WWC1: variants seen among roughly 807,000 people sequenced by gnomAD.
WWC1 encodes protein KIBRA.
In WWC1, 55 loss-of-function variants were observed where a neutral mutation model predicts 138.4. The ratio of observed to expected loss-of-function variants is 0.40; its 90% CI spans 0.32 to 0.50. WWC1 has a LOEUF of 0.50. Among genes scored for constraint, WWC1 ranks in the 20% least tolerant of loss-of-function variants. The probability of loss-of-function intolerance (pLI) is 0.72; values close to 1 mark genes in which losing one functional copy is unlikely to be tolerated. For missense variants in WWC1, 1,226 were observed against 1,420.4 expected, an observed-to-expected ratio of 0.86 and a Z score of 2.20; for synonymous variants, 524 against 564.9, an observed-to-expected ratio of 0.93 and a Z score of 1.03.
chr5:168,413,522 G>A (rs1780375011), intron 8 of WWC1, among the ~76,000 whole-genome samples: 1 of 152,228 alleles, frequency 6.6e-6, no homozygotes, highest in Non-Finnish European at 1.5e-5. Context: ...GTTAAGGGAT[G>A]AGGCTGCCAG....
chr5:168,357,533 T>G (rs2152796843), intron 1 of WWC1, among the ~76,000 whole-genome samples: 1 of 151,122 alleles, frequency 6.6e-6, no homozygotes, highest in African/African-American at 2.4e-5. Context: ...TGCCAGGGTA[T>G]TGTGTTCCCT....
chr5:168,340,132 ATGG>A (rs1773925574), intron 1 of WWC1, among the ~76,000 whole-genome samples: 1 of 147,988 alleles, frequency 6.8e-6, no homozygotes, highest in Non-Finnish European at 1.5e-5. Flanking sequence ...CTGGAGTGCA[ATGG>A]TGGAATCTCA....
intron 3 of WWC1, among the ~76,000 whole-genome samples, chr5:168,396,242 G>A (rs1437220413): frequency 6.6e-6 from 1 of 152,152 alleles, no homozygotes; most frequent in Non-Finnish European, 1.5e-5. Context: ...AATTATCCGG[G>A]CATGGTGGAG....
intron 1 of WWC1, among the ~76,000 whole-genome samples, chr5:168,339,845 C>CT (rs1773844341): frequency 4.1e-5 from 6 of 146,776 alleles, no homozygotes; most frequent in African/African-American, 1.6e-4. Context: ...TCTTTTCTTT[C>CT]TTTCTTTCTC....
chr5:168,435,992 G>A (rs539452781), intron 15 of WWC1, among the ~76,000 whole-genome samples: 18 of 152,046 alleles, frequency 1.2e-4, no homozygotes, highest in Admixed American at 2.0e-4. Flanking sequence ...ATAGGCACGC[G>A]CCACCACACC....
At chr5:168,349,521 C>T (rs779141023) in intron 1 of WWC1, among the ~76,000 whole-genome samples, 12 of 152,192 alleles carry the variant, frequency 7.9e-5, no homozygotes, top group Non-Finnish European at 1.6e-4. Flanking sequence ...CAGCACAGCC[C>T]TGCAGGCTGG....
At chr5:168,367,365 T>G (rs1016019014) in intron 1 of WWC1, among the ~76,000 whole-genome samples, 2 of 152,010 alleles carry the variant, frequency 1.3e-5, no homozygotes, top group Non-Finnish European at 2.9e-5. Flanking sequence ...GGAGTCTTGC[T>G]CTGTCCCCCA....
chr5:168,305,950 GTT>G (rs369440987), intron 1 of WWC1, among the ~76,000 whole-genome samples: 19 of 152,310 alleles, frequency 1.2e-4, no homozygotes, highest in African/African-American at 4.6e-4. Context: ...CATTTGTAGA[GTT>G]TGAATGAGAT....
rs1286203310 is a variant in WWC1, at chr5:168,472,229, T to G, written c.*3212T>G. ...TGGAGTTGAATTCTCTATAAACGGT[T>G]CACCAGCAAACCACCAATACATTCC... On this transcript the variant is annotated 3_prime_UTR_variant, in exon 23 of 23. Coordinates refer to ENST00000265293, the MANE Select transcript of WWC1 (RefSeq NM_015238.3). The G allele has an allele frequency of 6.6e-6, 1 of 152,220 alleles. No individual in the cohort carries two copies. Among genetic ancestry groups the G allele is most frequent in the Non-Finnish European group, 1.5e-5 (1 of 68,048 alleles). 9.4% of individuals were successfully genotyped at this position (152,220 alleles called of 1,614,324 possible). A position where few individuals can be genotyped will look rare whatever the true frequency, so the allele number is the denominator to read the frequency against.
At chr5:168,343,376 T>C (rs1010174511) in intron 1 of WWC1, among the ~76,000 whole-genome samples, 7 of 152,118 alleles carry the variant, frequency 4.6e-5, no homozygotes, top group Non-Finnish European at 7.4e-5. Context: ...CCCCATTTAA[T>C]AGATGAAGAA....
At chr5:168,388,049 A>AAATCACTC (rs1778177519) in intron 3 of WWC1, among the ~76,000 whole-genome samples, 1 of 152,204 alleles carries the variant, frequency 6.6e-6, no homozygotes, top group Admixed American at 6.5e-5. Flanking sequence ...ATTACCCTAC[A>AAATCACTC]AATCACTCAC....
In WWC1 at chr5:168,464,804, A is replaced by C; in HGVS notation, c.2992A>C (p.Thr998Pro). The change falls in exon 21 of 23, where the codon ACA becomes CCA. Residue 998 changes from threonine to proline, a missense_variant. Physicochemically the swap from Thr to Pro is conservative, Grantham distance 38 (BLOSUM62 -1). Coordinates refer to ENST00000265293, the MANE Select transcript of WWC1 (RefSeq NM_015238.3). ...SLDLELDLQATRTWHSQLTQE... is the reference protein window; with the variant it reads ...SLDLELDLQAPRTWHSQLTQE... ...GGACCTGGAGTTAGACCTGCAGGCGACAAGAACCTGGCACAGCCAATTGAC... is the reference window on the plus strand; with the variant it reads ...GGACCTGGAGTTAGACCTGCAGGCGCCAAGAACCTGGCACAGCCAATTGAC... 6.2e-7 allele frequency: 1 copy of C among 1,614,102 alleles called. No individual in the cohort carries two copies. Among genetic ancestry groups the C allele is most frequent in the Non-Finnish European group, 8.5e-7 (1 of 1,180,002 alleles).
intron 1 of WWC1, among the ~76,000 whole-genome samples, chr5:168,367,360 C>A (rs923524862): frequency 1.3e-5 from 2 of 152,036 alleles, no homozygotes; most frequent in African/African-American, 4.8e-5. Flanking sequence ...GAGACGGAGT[C>A]TTGCTCTGTC....
At chr5:168,446,781 T>TA (rs1755313481) in intron 17 of WWC1, among the ~76,000 whole-genome samples, 1 of 152,172 alleles carries the variant, frequency 6.6e-6, no homozygotes, top group South Asian at 2.1e-4. Context: ...GCAAAGCACA[T>TA]AGTAGACCCT....
chr5:168,463,998 T>C (rs1757034860), intron 20 of WWC1, among the ~76,000 whole-genome samples: 1 of 152,190 alleles, frequency 6.6e-6, no homozygotes, highest in African/African-American at 2.4e-5. Flanking sequence ...TGAGTATTAA[T>C]GGCTGGGCTT....
Position 168,471,004 on chromosome 5 carries a change from G to C in WWC1, c.*1987G>C, listed in dbSNP as rs1757650943. ...GTATAAAGTGAGTGAAACCCAGGCA[G>C]AGACAGGCAAAATGGTGAGGCCCGC... is the stretch of plus-strand genomic sequence containing the variant. On this transcript the variant is annotated 3_prime_UTR_variant, in exon 23 of 23. Transcript: ENST00000265293. 1 of 152,172 alleles carries C rather than the reference G, an allele frequency of 6.6e-6. No individual in the cohort carries two copies. Among genetic ancestry groups the C allele is most frequent in the East Asian group, 1.9e-4 (1 of 5,182 alleles). 9.4% of individuals were successfully genotyped at this position (152,172 alleles called of 1,614,324 possible).
intron 5 of WWC1, among the ~76,000 whole-genome samples, chr5:168,402,146 C>G (rs1472938141): frequency 1.3e-5 from 2 of 152,188 alleles, no homozygotes; most frequent in East Asian, 1.9e-4. Context: ...CAAAGACAAG[C>G]CTCCTTTCTT....
At chr5:168,468,849 C>G in intron 22 of WWC1, 102 bp from the exon 23 acceptor site, 5 of 1,221,956 alleles carry the variant, frequency 4.1e-6, no homozygotes. Context: ...CATTCTGCAG[C>G]GAATGTATAG....
chr5:168,347,411 G>A (rs146763891), intron 1 of WWC1, among the ~76,000 whole-genome samples: 35 of 152,306 alleles, frequency 2.3e-4, no homozygotes, highest in African/African-American at 7.9e-4. Flanking sequence ...GCCTGGAGAG[G>A]GAATTTGAAA....
Sources: gnomAD v4.1 joint callset for allele counts (sites outside exome capture counted in the v4.1 genomes callset) on GRCh38, gnomAD v4.1.1 for gene constraint, MANE v1.5 for transcripts, NCBI Gene and HGNC (gene_info 2026-07-23, HGNC 2026-07-21) for gene names.